The following SLC12A9 variants were observed in gnomAD, a reference collection of about 807,000 sequenced individuals.
SLC12A9 encodes CCC-interacting protein 1.
Under a neutral mutation model 66.0 loss-of-function variants are expected in SLC12A9, and 55 were observed. The ratio of observed to expected loss-of-function variants is 0.83; its 90% CI spans 0.67 to 1.04. The LOEUF is 1.04. Among genes scored for constraint, SLC12A9 ranks in the 50% least tolerant of loss-of-function variants. SLC12A9 has a pLI of 0.00. For missense variants in SLC12A9, 1,061 were observed against 1,241.9 expected, an observed-to-expected ratio of 0.85 and a Z score of 2.19; for synonymous variants, 577 against 569.0, an observed-to-expected ratio of 1.01 and a Z score of -0.20.
chr7:100,858,544 G>C (rs746541865), intron 5 of SLC12A9: 7 of 313,748 alleles, frequency 2.2e-5, no homozygotes, highest in Middle Eastern at 1.1e-3. Context: ...GAGCTACGAT[G>C]GTGCCACTGC....
chr7:100,855,860 G>A, intron 4 of SLC12A9, 23 bp downstream of exon 4: 2 of 1,578,860 alleles, frequency 1.3e-6, no homozygotes, highest in Non-Finnish European at 1.7e-6. Flanking sequence ...TCCGATCTGG[G>A]CAGTGCTGCG....
intron 13 of SLC12A9, among the ~76,000 whole-genome samples, chr7:100,863,340 A>G (rs1199296096): frequency 1.3e-5 from 2 of 151,820 alleles, no homozygotes; most frequent in Non-Finnish European, 2.9e-5. Context: ...TGCTGGGATT[A>G]CAGGCATGTA....
chr7:100,827,791 T>A (rs1042545191), intron 1 of SLC12A9, among the ~76,000 whole-genome samples: 8 of 152,088 alleles, frequency 5.3e-5, no homozygotes, highest in Non-Finnish European at 1.5e-5. Context: ...GGACCGAGCA[T>A]GTCGGGGCTG....
chr7:100,865,160 A>C, intron 13 of SLC12A9: 1 of 1,112,626 alleles, frequency 9.0e-7, no homozygotes, highest in Non-Finnish European at 1.3e-6. Context: ...ATTTCACCGT[A>C]TTGGCCAGGC....
Position 100,866,126 on chromosome 7 carries a change from G to C in SLC12A9, c.2266G>C (p.Gly756Arg). The C allele has an allele frequency of 2.5e-6, 4 of 1,612,958 alleles. No homozygotes were observed. Among genetic ancestry groups the C allele is most frequent in the Non-Finnish European group, 3.4e-6 (4 of 1,179,836 alleles). The change falls in exon 14 of 14, where the codon GGC becomes CGC. Residue 756 changes from glycine to arginine, a missense_variant. Transcript: ENST00000354161. This position sits in a 1 kb window ranked among gnomAD's most constrained non-coding sequence, Gnocchi z 7.3. Reference protein sequence around the residue: ...LFLLQMATILGMVPAWHSARL... With the variant: ...LFLLQMATILRMVPAWHSARL... Reference sequence around the variant, plus strand: ...CCTGCTGCAGATGGCAACCATCTTGGGCATGGTGCCCGCTTGGCATAGCGC... The same window carrying C: ...CCTGCTGCAGATGGCAACCATCTTGCGCATGGTGCCCGCTTGGCATAGCGC...
intron 1 of SLC12A9, among the ~76,000 whole-genome samples, chr7:100,839,117 A>G (rs1813728453): frequency 6.6e-6 from 1 of 152,036 alleles, no homozygotes; most frequent in Non-Finnish European, 1.5e-5. Context: ...AGGTCAGGAG[A>G]TCGAGACCAT....
chr7:100,855,853 G>C lies in SLC12A9; in HGVS notation c.448+16G>C, dbSNP rs374400811. 1.3e-5 allele frequency: 21 copies of C among 1,589,342 alleles called. No homozygotes were observed. The highest frequency in any genetic ancestry group is 1.7e-5 in the Admixed American group (1 of 57,488). On this transcript the variant is annotated intron_variant, in intron 4 of 13. Transcript: ENST00000354161. ...TTCGGGGCCGGTCTGTGCTCTGTCC[G>C]ATCTGGGCAGTGCTGCGGGTTTACA...
At chr7:100,856,753 C>T (rs1814409775) in intron 4 of SLC12A9, 115 bp from the exon 5 acceptor site, 1 of 1,051,018 alleles carries the variant, frequency 9.5e-7, no homozygotes, top group Non-Finnish European at 1.4e-6. Flanking sequence ...CTCAAGCAAT[C>T]CTCCCACCTC....
intron 1 of SLC12A9, among the ~76,000 whole-genome samples, chr7:100,838,991 C>T (rs1237980964): frequency 6.6e-6 from 1 of 152,096 alleles, no homozygotes; most frequent in African/African-American, 2.4e-5. Flanking sequence ...AATCACGACC[C>T]TCTCACATGC....
At chr7:100,840,691 A>T (rs537935080) in intron 1 of SLC12A9, among the ~76,000 whole-genome samples, 28 of 152,084 alleles carry the variant, frequency 1.8e-4, no homozygotes, top group African/African-American at 6.8e-4. Context: ...GAAGAGACAG[A>T]GGCAAAAAGA....
chr7:100,857,299 T>G, intron 5 of SLC12A9, 123 bp downstream of exon 5: 1 of 1,057,640 alleles, frequency 9.5e-7, no homozygotes, highest in Non-Finnish European at 1.4e-6. Flanking sequence ...AGGTCTGGAC[T>G]GCAGAGCAGT....
chr7:100,865,694 C>A, intron 13 of SLC12A9, 25 bp from the exon 14 acceptor site: 1 of 1,584,908 alleles, frequency 6.3e-7, no homozygotes, highest in Non-Finnish European at 8.6e-7. Flanking sequence ...CCTGTCTGTT[C>A]CTGCCTTCCC....
At chr7:100,836,991 G>A (rs1488055260) in intron 1 of SLC12A9, among the ~76,000 whole-genome samples, 2 of 152,160 alleles carry the variant, frequency 1.3e-5, no homozygotes, top group Non-Finnish European at 2.9e-5. Context: ...CAGGATCTGG[G>A]ATCCCTAGAA....
rs1414235378 is a variant in SLC12A9 at position 100,841,419 on chromosome 7, TAAAAC to T, written n.228+14376_228+14380del. Among the ~76,000 whole-genome samples the T allele has an allele frequency of 4.6e-5, 7 of 152,226 alleles. No homozygotes were observed. The East Asian group carries it at 1.2e-3, about 25-fold the overall frequency. Reference sequence around the variant, plus strand: ...TACATTTTTACCTATGTTAAAAAGTTAAAACAAATTATTGTTTTAAAAGTTTAAGC... The same window carrying T: ...TACATTTTTACCTATGTTAAAAAGTTAAATTATTGTTTTAAAAGTTTAAGC... On this transcript the variant is annotated intron_variant and non_coding_transcript_variant, in intron 1 of 1. Coordinates refer to the SLC12A9 transcript ENST00000461016.
Position 100,861,547 on chromosome 7 carries a change from G to C in SLC12A9, c.1499G>C (p.Ser500Thr). The C allele has an allele frequency of 6.2e-7, 1 of 1,613,750 alleles. No homozygotes were observed. The highest frequency in any genetic ancestry group is 8.5e-7 in the Non-Finnish European group (1 of 1,180,018). The part of the protein sequence containing the change: ...ALLTARGGPS[S>T]WGYVSQALLF... The stretch of plus-strand genomic sequence containing the variant: ...CTCACCGCGCGAGGAGGCCCCAGTA[G>C]CTGGGGCTATGTCAGCCAGGCCTTG... The change falls in exon 11 of 14, where the codon AGC becomes ACC. Residue 500 changes from serine to threonine, a missense_variant. Ser to Thr is a moderately conservative substitution (Grantham distance 58). Transcript: ENST00000354161. The surrounding 1 kb of genome is among the most constrained non-coding windows in gnomAD (Gnocchi z 5.3).
At chr7:100,841,051 C>CA (rs1813778622) in intron 1 of SLC12A9, among the ~76,000 whole-genome samples, 1 of 151,136 alleles carries the variant, frequency 6.6e-6, no homozygotes, top group African/African-American at 2.4e-5. Flanking sequence ...CACACCTCAC[C>CA]AGTTCAGAAG....
At chr7:100,829,543 G>A (rs576218607) in intron 1 of SLC12A9, among the ~76,000 whole-genome samples, 74 of 152,162 alleles carry the variant, frequency 4.9e-4, no homozygotes, top group Non-Finnish European at 9.0e-4. Flanking sequence ...CCGAGGGCAG[G>A]AAACAGCCGG....
intron 1 of SLC12A9, among the ~76,000 whole-genome samples, chr7:100,846,286 G>C (rs574294107): frequency 6.6e-6 from 1 of 152,198 alleles, no homozygotes; most frequent in Non-Finnish European, 1.5e-5. Context: ...TTCATTGCAG[G>C]CCGGGCGCGG....
In SLC12A9 at chr7:100,865,982, C is replaced by G. The variant is rs1194955935; in HGVS notation, c.2122C>G (p.Pro708Ala). 1 of 1,612,878 alleles carries G rather than the reference C, an allele frequency of 6.2e-7. No individual in the cohort carries two copies. The highest frequency in any genetic ancestry group is 8.5e-7 in the Non-Finnish European group (1 of 1,179,842). The change falls in exon 14 of 14, where the codon CCT (proline) becomes GCT (alanine). Residue 708 changes from proline to alanine, a missense_variant. Pro to Ala is a conservative substitution (Grantham distance 27). Transcript: ENST00000354161. ...GGCCCGGGCCAGCGGGGCCTTGCCC[C>G]CTGAGCGGCTGAGCCGGGGGTCTGG... ...VLARASGALPPERLSRGSGGT... is the reference protein window; with the variant it reads ...VLARASGALPAERLSRGSGGT...
Sources: allele counts gnomAD v4.1 joint callset (sites outside exome capture counted in the v4.1 genomes callset), GRCh38; gene constraint gnomAD v4.1.1; non-coding constraint Gnocchi (gnomAD v3.1); transcripts MANE v1.5; gene names NCBI Gene and HGNC (gene_info 2026-07-23, HGNC 2026-07-21).